RASEF: variants seen among roughly 807,000 people sequenced by gnomAD.
RASEF encodes RAS and EF-hand domain containing.
RASEF carries 68 observed loss-of-function variants against 90.1 expected under a neutral mutation model. The ratio of observed to expected loss-of-function variants is 0.75; its 90% CI spans 0.62 to 0.92. The LOEUF is 0.92. RASEF is among the 40% of genes least tolerant of loss of function. The pLI, the probability that RASEF is intolerant of heterozygous loss-of-function variation, is 0.00. For missense variants in RASEF, 949 were observed against 937.2 expected (o/e 1.01, Z -0.16); for synonymous variants, 331 against 345.2 (o/e 0.96, Z 0.46).
the RASEF span, among the ~76,000 whole-genome samples, chr9:83,186,762 AT>A: frequency 6.6e-6 from 1 of 152,028 alleles, no homozygotes; most frequent in Non-Finnish European, 1.5e-5. Flanking sequence ...TTTAAAGAAA[AT>A]TTTTTCTCTA....
chr9:83,009,595 T>C, intron 6 of RASEF, 46 bp downstream of exon 6: 1 of 1,137,674 alleles, frequency 8.8e-7, no homozygotes, highest in Non-Finnish European at 1.3e-6. Flanking sequence ...TGGATGATCA[T>C]CTCAATATTC....
rs562258488 is a variant in RASEF, at chr9:82,980,162, A to C, written c.*2515T>G. The C allele has an allele frequency of 2.0e-4, 30 of 152,332 alleles. No homozygotes were observed. Among genetic ancestry groups the C allele is most frequent in the African/African-American group, 7.0e-4 (29 of 41,590 alleles). 9.4% of individuals were successfully genotyped at this position (152,332 alleles called of 1,614,324 possible). ...ACTGTAGTATAACTATGATTTTAAA[A>C]TATCTTAAAGAAAAACAGGGACAAG... On this transcript the variant is annotated 3_prime_UTR_variant, in exon 17 of 17. Transcript: ENST00000376447.
At chr9:83,109,142 G>C in the RASEF span, among the ~76,000 whole-genome samples, 1 of 152,238 alleles carries the variant, frequency 6.6e-6, no homozygotes, top group Non-Finnish European at 1.5e-5. Context: ...TGGAGTGTAT[G>C]TGGACATTGT....
At chr9:83,113,271 A>C in the RASEF span, among the ~76,000 whole-genome samples, 1 of 152,172 alleles carries the variant, frequency 6.6e-6, no homozygotes, top group African/African-American at 2.4e-5. Flanking sequence ...TCACTTCCCT[A>C]ATAATACTCT....
the RASEF span, among the ~76,000 whole-genome samples, chr9:83,087,448 C>CTCTCT: frequency 1.4e-5 from 1 of 70,040 alleles, no homozygotes; most frequent in Non-Finnish European, 3.0e-5. Context: ...TCTGTCTCTC[C>CTCTCT]CCTACTGCCA....
At chr9:83,059,898 T>C (rs1196908828) in intron 1 of RASEF, among the ~76,000 whole-genome samples, 1 of 152,166 alleles carries the variant, frequency 6.6e-6, no homozygotes, top group Non-Finnish European at 1.5e-5. Context: ...AACTCAACAA[T>C]GACACATATC....
At chr9:83,120,959 TTTG>T in the RASEF span, among the ~76,000 whole-genome samples, 1 of 152,216 alleles carries the variant, frequency 6.6e-6, no homozygotes, top group South Asian at 2.1e-4. Flanking sequence ...GCTCTCAGGT[TTTG>T]TTACCATTAG....
chr9:83,082,172 G>A, the RASEF span, among the ~76,000 whole-genome samples: 5 of 152,260 alleles, frequency 3.3e-5, no homozygotes, highest in East Asian at 3.9e-4. Flanking sequence ...AACGATCCTC[G>A]TTCTGCTGGT....
the RASEF span, among the ~76,000 whole-genome samples, chr9:83,130,927 C>T: frequency 1.5e-4 from 23 of 152,224 alleles, no homozygotes; most frequent in Non-Finnish European, 3.1e-4. Context: ...TTGTTGAAGG[C>T]TTACCATGTG....
chr9:83,210,845 A>G, the RASEF span, among the ~76,000 whole-genome samples: 1 of 152,228 alleles, frequency 6.6e-6, no homozygotes, highest in Admixed American at 6.5e-5. Context: ...ATCAATGCTA[A>G]AACTGAGACT....
chr9:83,003,220 C>A (rs1055706450), intron 9 of RASEF, among the ~76,000 whole-genome samples: 3 of 151,838 alleles, frequency 2.0e-5, no homozygotes, highest in African/African-American at 7.3e-5. Flanking sequence ...AAATAATCAC[C>A]CCCCCACACA....
chr9:83,042,671 A>C (rs530848508), intron 1 of RASEF, among the ~76,000 whole-genome samples: 1 of 152,286 alleles, frequency 6.6e-6, no homozygotes, highest in Non-Finnish European at 1.5e-5. Context: ...AAATGATGGC[A>C]GCACTCCAGC....
chr9:83,007,991 A>C (rs1346323836), intron 6 of RASEF, among the ~76,000 whole-genome samples: 1 of 150,894 alleles, frequency 6.6e-6, no homozygotes, highest in African/African-American at 2.4e-5. Flanking sequence ...ATCTCACACT[A>C]CTCCTGCTCT....
intron 1 of RASEF, among the ~76,000 whole-genome samples, chr9:83,061,756 G>A (rs1369128069): frequency 6.6e-6 from 1 of 152,132 alleles, no homozygotes; most frequent in Non-Finnish European, 1.5e-5. Context: ...ATTTTATTCC[G>A]TCACATAAAA....
At chr9:83,002,629 T>C (rs546574361) in intron 9 of RASEF, among the ~76,000 whole-genome samples, 1 of 151,942 alleles carries the variant, frequency 6.6e-6, no homozygotes. Flanking sequence ...GGTCCATCTA[T>C]AAAGCACATA....
chr9:83,108,164 G>A, the RASEF span, among the ~76,000 whole-genome samples: 1 of 152,130 alleles, frequency 6.6e-6, no homozygotes. Flanking sequence ...GTGTTTACAT[G>A]GGTGTATGTA....
At chr9:83,012,277 G>A (rs1470868027) in intron 5 of RASEF, among the ~76,000 whole-genome samples, 157 bp downstream of exon 5, 1 of 152,174 alleles carries the variant, frequency 6.6e-6, no homozygotes, top group Non-Finnish European at 1.5e-5. Flanking sequence ...GGAAAAGCCT[G>A]CATAAATAGT....
At chr9:83,187,681 C>T in the RASEF span, among the ~76,000 whole-genome samples, 2 of 152,140 alleles carry the variant, frequency 1.3e-5, no homozygotes, top group Non-Finnish European at 2.9e-5. Context: ...ATGTAATCTC[C>T]AGCTGATACA....
the RASEF span, among the ~76,000 whole-genome samples, chr9:83,077,588 A>G: frequency 3.3e-5 from 5 of 151,958 alleles, no homozygotes; most frequent in Non-Finnish European, 5.9e-5. Flanking sequence ...AACATTGGGG[A>G]AAAAAAACAA....
Sources: gnomAD v4.1 joint callset for allele counts (sites outside exome capture counted in the v4.1 genomes callset) on GRCh38, gnomAD v4.1.1 for gene constraint, MANE v1.5 for transcripts, NCBI Gene and HGNC (gene_info 2026-07-23, HGNC 2026-07-21) for gene names.